DPYSL3: variants seen among roughly 807,000 people sequenced by gnomAD.
DPYSL3 encodes the protein dihydropyrimidinase-related protein 3.
A neutral mutation model predicts 66.1 loss-of-function variants in DPYSL3; 16 were observed. The ratio of observed to expected loss-of-function variants is 0.24; its 90% CI spans 0.16 to 0.37. The LOEUF (loss-of-function observed/expected upper bound fraction) is 0.37. DPYSL3 is among the 10% of genes least tolerant of loss of function. The probability of loss-of-function intolerance (pLI) is 1.00; values close to 1 mark genes in which losing one functional copy is unlikely to be tolerated. For missense variants in DPYSL3, 738 were observed against 916.2 expected, an observed-to-expected ratio of 0.81 and a Z score of 2.51; for synonymous variants, 338 against 345.1, an observed-to-expected ratio of 0.98 and a Z score of 0.23.
At chr5:147,433,895 G>A (rs1362213772) in intron 1 of DPYSL3, among the ~76,000 whole-genome samples, 1 of 151,998 alleles carries the variant, frequency 6.6e-6, no homozygotes, top group Non-Finnish European at 1.5e-5. Context: ...AACTGGGCGT[G>A]GTGGCATCCC....
chr5:147,508,462 G>A (rs1471933969), intron 1 of DPYSL3, among the ~76,000 whole-genome samples: 2 of 152,008 alleles, frequency 1.3e-5, no homozygotes, highest in Admixed American at 1.3e-4. Flanking sequence ...TGGATTTTGC[G>A]GCCATTACCT....
At chr5:147,425,844 C>T (rs1350979790) in intron 1 of DPYSL3, among the ~76,000 whole-genome samples, 1 of 152,114 alleles carries the variant, frequency 6.6e-6, no homozygotes. Flanking sequence ...ATGAATGGAG[C>T]TTAGGCTGGA....
At chr5:147,462,585 A>G (rs891282762) in intron 1 of DPYSL3, among the ~76,000 whole-genome samples, 3 of 152,150 alleles carry the variant, frequency 2.0e-5, no homozygotes, top group African/African-American at 7.2e-5. Context: ...AACTCCTGCA[A>G]TGAAGGAAGC....
chr5:147,504,495 T>A (rs775165726), intron 1 of DPYSL3, among the ~76,000 whole-genome samples: 24 of 152,244 alleles, frequency 1.6e-4, no homozygotes, highest in Non-Finnish European at 3.1e-4. Context: ...CAGAGAAGAC[T>A]TATAAAATTC....
rs539818205 is a variant in DPYSL3 at position 147,497,725 on chromosome 5, G to T, written c.381+11753C>A. ...TTCATGATAAAAAAAAAAAAACTTA[G>T]CGAAGTAGGAAGATTGGGGAACTTC... On this transcript the variant is annotated intron_variant, in intron 1 of 13. Transcript: ENST00000343218. Among the ~76,000 whole-genome samples the T allele has an allele frequency of 8.6e-5, 13 of 151,196 alleles. No homozygotes were observed. In the East Asian group the frequency reaches 2.5e-3, roughly 29 times the overall value.
At chr5:147,453,885 T>A in intron 1 of DPYSL3, 1 of 543,492 alleles carries the variant, frequency 1.8e-6, no homozygotes, top group Non-Finnish European at 2.8e-6. Context: ...TGGGACCCCA[T>A]AAGACAAGAA....
intron 1 of DPYSL3, among the ~76,000 whole-genome samples, chr5:147,477,176 T>G (rs1020257863): frequency 3.9e-5 from 6 of 151,968 alleles, no homozygotes; most frequent in Non-Finnish European, 5.9e-5. Flanking sequence ...AAACAGAAAA[T>G]GCAGATTTAA....
At chr5:147,465,462 G>T (rs1752996693) in intron 1 of DPYSL3, among the ~76,000 whole-genome samples, 1 of 152,092 alleles carries the variant, frequency 6.6e-6, no homozygotes. Flanking sequence ...GCCACGCCTG[G>T]CTAATTTTTG....
At chr5:147,444,267 C>T (rs1752589881) in intron 1 of DPYSL3, among the ~76,000 whole-genome samples, 1 of 152,094 alleles carries the variant, frequency 6.6e-6, no homozygotes, top group South Asian at 2.1e-4. Context: ...ATTACTTAAT[C>T]TCTCTAAATT....
At chr5:147,397,453 C>A (rs1372367282) in intron 12 of DPYSL3, among the ~76,000 whole-genome samples, 1 of 152,078 alleles carries the variant, frequency 6.6e-6, no homozygotes, top group Non-Finnish European at 1.5e-5. Flanking sequence ...TGGGAAAAGT[C>A]ATTTGGGAAA....
Position 147,395,857 on chromosome 5 carries a change from G to A in DPYSL3, c.1804-136C>T, listed in dbSNP as rs189613016. On this transcript the variant is annotated intron_variant, in intron 12 of 13. Coordinates refer to ENST00000343218, the MANE Select transcript of DPYSL3 (RefSeq NM_001197294.2). ...ACAATAATAAAGATAATTTGAGGAA[G>A]GGAGAAGTAGTATAAAATAAATAAA... The A allele has an allele frequency of 1.0e-4, 110 of 1,073,214 alleles. No homozygotes were observed. The African/African-American group carries it at 1.6e-3, about 15-fold the overall frequency. 66.5% of individuals were successfully genotyped at this position (1,073,214 alleles called of 1,614,324 possible).
chr5:147,507,427 G>A (rs191519625), intron 1 of DPYSL3, among the ~76,000 whole-genome samples: 26 of 151,992 alleles, frequency 1.7e-4, no homozygotes, highest in African/African-American at 6.0e-4. Context: ...TTTAAGCAGA[G>A]GCCAGATGAT....
intron 1 of DPYSL3, among the ~76,000 whole-genome samples, chr5:147,454,758 T>C (rs1180314030): frequency 1.3e-5 from 2 of 152,146 alleles, no homozygotes; most frequent in Non-Finnish European, 2.9e-5. Context: ...TTATATGTTA[T>C]TACAAGCAAA....
chr5:147,437,275 C>A (rs962466890), intron 1 of DPYSL3, among the ~76,000 whole-genome samples: 7 of 152,254 alleles, frequency 4.6e-5, no homozygotes, highest in African/African-American at 1.4e-4. Context: ...TTCTCAGAAA[C>A]AAGAAACCTT....
At chr5:147,495,762 TAGA>T (rs1251305001) in intron 1 of DPYSL3, among the ~76,000 whole-genome samples, 1 of 152,072 alleles carries the variant, frequency 6.6e-6, no homozygotes, top group East Asian at 1.9e-4. Flanking sequence ...TACAAACAAA[TAGA>T]AGAACATTCC....
chr5:147,472,826 T>A (rs1393721159), intron 1 of DPYSL3: 2 of 152,150 alleles, frequency 1.3e-5, no homozygotes, highest in Non-Finnish European at 2.9e-5. Flanking sequence ...CACCATCCTA[T>A]TTACCCTCAT....
Position 147,401,555 on chromosome 5 carries a change from T to A in DPYSL3, c.1295A>T (p.Asn432Ile). The A allele has an allele frequency of 6.2e-7, 1 of 1,612,456 alleles. No individual in the cohort carries two copies. Among genetic ancestry groups the A allele is most frequent in the South Asian group, 1.1e-5 (1 of 90,724 alleles). The change falls in exon 9 of 14, where the codon AAC becomes ATC. Residue 432 changes from asparagine (N) to isoleucine (I), a missense_variant. By Grantham distance (149) the Asn-to-Ile change is moderately radical. Transcript: ENST00000343218. Reference sequence around the variant, plus strand: ...CTGCACCAACCTGGCCAGCAAGGAGTTGATGTAGTCCGGAGTAGTTGGGTC... The same window carrying A: ...CTGCACCAACCTGGCCAGCAAGGAGATGATGTAGTCCGGAGTAGTTGGGTC... ...SPDPTTPDYI[N>I]SLLASGDLQL...
intron 1 of DPYSL3, among the ~76,000 whole-genome samples, chr5:147,443,290 C>T (rs1028456741): frequency 1.3e-5 from 2 of 152,186 alleles, no homozygotes; most frequent in African/African-American, 4.8e-5. Context: ...CCATGGAATA[C>T]TATGCAGCCA....
intron 6 of DPYSL3, among the ~76,000 whole-genome samples, chr5:147,410,455 C>T (rs1751826097): frequency 6.6e-6 from 1 of 152,034 alleles, no homozygotes; most frequent in Non-Finnish European, 1.5e-5. Flanking sequence ...GCAGTAAAGC[C>T]CCACTGATGC....
Sources: gnomAD v4.1 joint callset for allele counts (sites outside exome capture counted in the v4.1 genomes callset) on GRCh38, gnomAD v4.1.1 for gene constraint, MANE v1.5 for transcripts, NCBI Gene and HGNC (gene_info 2026-07-23, HGNC 2026-07-21) for gene names.